Variants in FNBP1L observed in about 807,000 individuals in gnomAD.
The protein encoded by FNBP1L is formin binding protein 1 like.
A neutral mutation model predicts 91.2 loss-of-function variants in FNBP1L; 36 were observed. The observed-to-expected ratio is 0.39, with a 90% CI of 0.30 to 0.52. The LOEUF (loss-of-function observed/expected upper bound fraction) is 0.52, where lower values mean the gene tolerates loss of function less well. FNBP1L is among the 20% of genes least tolerant of loss of function. The probability of loss-of-function intolerance (pLI) is 0.66; values close to 1 mark genes in which losing one functional copy is unlikely to be tolerated. For missense variants in FNBP1L, 571 were observed against 732.1 expected, an observed-to-expected ratio of 0.78 and a Z score of 2.54; for synonymous variants, 242 against 237.0, an observed-to-expected ratio of 1.02 and a Z score of -0.19.
chr1:93,512,758 G>C (rs1461823339), intron 2 of FNBP1L, among the ~76,000 whole-genome samples: 1 of 151,990 alleles, frequency 6.6e-6, no homozygotes, highest in Non-Finnish European at 1.5e-5. Flanking sequence ...GAGTCTCTGG[G>C]ACGCATTCAA....
intron 10 of FNBP1L, among the ~76,000 whole-genome samples, chr1:93,538,518 G>A (rs1050410072): frequency 8.6e-5 from 13 of 151,964 alleles, no homozygotes; most frequent in African/African-American, 3.1e-4. Flanking sequence ...GACAGAGCAG[G>A]GAAGAAAGTG....
At chr1:93,468,509 C>T (rs1669170057) in intron 1 of FNBP1L, among the ~76,000 whole-genome samples, 1 of 152,186 alleles carries the variant, frequency 6.6e-6, no homozygotes, top group Admixed American at 6.5e-5. Flanking sequence ...TGGCTCACTG[C>T]AGCCTCGACT....
intron 1 of FNBP1L, among the ~76,000 whole-genome samples, chr1:93,450,439 T>C (rs1362524347): frequency 6.6e-6 from 1 of 152,230 alleles, no homozygotes; most frequent in East Asian, 1.9e-4. Context: ...TATTAGAAAC[T>C]AAGTAATGTA....
At chr1:93,529,931 AAT>A (rs1671620712) in intron 6 of FNBP1L, among the ~76,000 whole-genome samples, 175 bp downstream of exon 6, 1 of 152,186 alleles carries the variant, frequency 6.6e-6, no homozygotes, top group Non-Finnish European at 1.5e-5. Context: ...CTGAGAAAGT[AAT>A]ATATGTTAAT....
At position 93,544,147 on chromosome 1, in the gene FNBP1L, A is replaced by C; in HGVS notation, c.1205A>C (p.Gln402Pro). Residue 402 changes from glutamine (Q) to proline (P), a missense_variant, in exon 12 of 17, where the codon CAG (glutamine) becomes CCG (proline). By Grantham distance (76) the Gln-to-Pro change is moderately conservative. Around this residue, in one of 5 missense-constraint regions of FNBP1L, gnomAD observed 150 missense variants for 155.9 expected, o/e 0.96. Transcript: ENST00000271234. ...LEDFSHLPPEQRRKKLQQRID... is the reference protein window; with the variant it reads ...LEDFSHLPPEPRRKKLQQRID... Reference sequence around the variant, plus strand: ...GATTTCAGTCATCTGCCACCAGAACAGAGACGTAAAAAACTACAGCAGCGC... The same window carrying C: ...GATTTCAGTCATCTGCCACCAGAACCGAGACGTAAAAAACTACAGCAGCGC... 6.2e-7 allele frequency: 1 copy of C among 1,612,440 alleles called. No homozygotes were observed. Among genetic ancestry groups the C allele is most frequent in the African/African-American group, 1.3e-5 (1 of 75,006 alleles).
intron 7 of FNBP1L, 72 bp from the exon 8 acceptor site, chr1:93,532,850 T>C (rs1201867393): frequency 9.1e-7 from 1 of 1,093,982 alleles, no homozygotes; most frequent in Non-Finnish European, 1.3e-6. Context: ...TGATGGGGGA[T>C]CACTAATTGA....
chr1:93,466,832 G>A (rs1213433275), intron 1 of FNBP1L, among the ~76,000 whole-genome samples: 1 of 152,120 alleles, frequency 6.6e-6, no homozygotes, highest in African/African-American at 2.4e-5. Context: ...TCCTATCCAT[G>A]AGCATGGAAT....
At chr1:93,451,747 G>A (rs1393954040) in intron 1 of FNBP1L, among the ~76,000 whole-genome samples, 1 of 152,022 alleles carries the variant, frequency 6.6e-6, no homozygotes, top group Non-Finnish European at 1.5e-5. Context: ...AGCCTCCCTG[G>A]TTCAAGCCAT....
At chr1:93,484,794 G>T (rs1669841087) in intron 1 of FNBP1L, among the ~76,000 whole-genome samples, 1 of 152,168 alleles carries the variant, frequency 6.6e-6, no homozygotes. Flanking sequence ...ATGACCCTGG[G>T]CTCAAGTTTG....
intron 1 of FNBP1L, among the ~76,000 whole-genome samples, chr1:93,474,499 T>G (rs1243938635): frequency 6.6e-6 from 1 of 152,118 alleles, no homozygotes; most frequent in Non-Finnish European, 1.5e-5. Flanking sequence ...ACTACAAGTG[T>G]GATGAGAGCT....
At chr1:93,518,406 C>T (rs1238871202) in intron 2 of FNBP1L, among the ~76,000 whole-genome samples, 1 of 152,130 alleles carries the variant, frequency 6.6e-6, no homozygotes. Flanking sequence ...CAAGACAGGG[C>T]TTCTCTTTGT....
chr1:93,539,038 G>A (rs770756975), intron 10 of FNBP1L, among the ~76,000 whole-genome samples: 1 of 151,892 alleles, frequency 6.6e-6, no homozygotes, highest in Non-Finnish European at 1.5e-5. Flanking sequence ...GGATATACTC[G>A]AACTTAACTA....
In FNBP1L at chr1:93,501,295, G is replaced by C. The variant is rs148702627; in HGVS notation, c.140+1712G>C. 2.2e-4 allele frequency among the ~76,000 whole-genome samples: 33 copies of C among 152,196 alleles called. 1 individual carries two copies. The East Asian group carries it at 5.8e-3, about 27-fold the overall frequency. Reference sequence around the variant, plus strand: ...GCAGGAGTGCCCTAGCTCATTTTATGTTGCCATAACAGAATGCCTAAGTCT... The same window carrying C: ...GCAGGAGTGCCCTAGCTCATTTTATCTTGCCATAACAGAATGCCTAAGTCT... On this transcript the variant is annotated intron_variant, in intron 2 of 16. Coordinates refer to ENST00000271234, the MANE Select transcript of FNBP1L (RefSeq NM_001164473.3).
At chr1:93,449,614 A>C (rs941970686) in intron 1 of FNBP1L, among the ~76,000 whole-genome samples, 1 of 152,172 alleles carries the variant, frequency 6.6e-6, no homozygotes, top group East Asian at 1.9e-4. Context: ...CCAGCCAGGA[A>C]TCTCTTGTGC....
intron 16 of FNBP1L, chr1:93,552,171 A>T: frequency 7.9e-7 from 1 of 1,270,752 alleles, no homozygotes; most frequent in African/African-American, 1.5e-5. Context: ...GCAGTCAAGG[A>T]TTGTGCAGTG....
intron 11 of FNBP1L, among the ~76,000 whole-genome samples, chr1:93,543,209 G>A (rs898861119): frequency 1.3e-5 from 2 of 152,076 alleles, no homozygotes; most frequent in Admixed American, 6.5e-5. Context: ...ATTCAATAGC[G>A]GCTAATATTG....
rs1486440634 is a variant in FNBP1L, at chr1:93,554,351, C to CTG, written c.*1937_*1938dup. ...TTTAAGACTTTCTTGTAAGGACTAA[C>CTG]TGTTCTTTTCAAGCTACTGTTTGTT... On this transcript the variant is annotated 3_prime_UTR_variant, in exon 17 of 17. Coordinates refer to ENST00000271234, the MANE Select transcript of FNBP1L (RefSeq NM_001164473.3). 6.6e-6 allele frequency: 1 copy of CTG among 152,652 alleles called. No individual in the cohort carries two copies. The highest frequency in any genetic ancestry group is 1.5e-5 in the Non-Finnish European group (1 of 68,050). The allele number at this position is 152,652 out of a possible 1,614,324, so 9.5% of individuals were successfully genotyped here. A position where few individuals can be genotyped will look rare whatever the true frequency, so the allele number is the denominator to read the frequency against.
intron 2 of FNBP1L, among the ~76,000 whole-genome samples, chr1:93,502,768 T>G (rs975414527): frequency 2.6e-5 from 4 of 152,214 alleles, no homozygotes; most frequent in African/African-American, 7.2e-5. Context: ...CTAAGGATGA[T>G]TCTCAATAGC....
intron 10 of FNBP1L, among the ~76,000 whole-genome samples, chr1:93,538,529 G>T (rs1671919893): frequency 6.6e-6 from 1 of 151,986 alleles, no homozygotes; most frequent in East Asian, 1.9e-4. Context: ...GAAGAAAGTG[G>T]ATTACAACTT....
Sources: allele counts gnomAD v4.1 joint callset (sites outside exome capture counted in the v4.1 genomes callset), GRCh38; gene constraint gnomAD v4.1.1; regional missense constraint gnomAD v4.1.1; transcripts MANE v1.5; gene names NCBI Gene and HGNC (gene_info 2026-07-23, HGNC 2026-07-21).